The following SLC22A3 variants were observed in gnomAD, a reference collection of about 807,000 sequenced individuals.
SLC22A3 encodes solute carrier family 22 member 3, also known as EMT organic cation transporter 3.
In SLC22A3, 51 loss-of-function variants were observed where a neutral mutation model predicts 59.1. The ratio of observed to expected loss-of-function variants is 0.86; its 90% CI spans 0.69 to 1.09. The LOEUF (loss-of-function observed/expected upper bound fraction) is 1.09, where lower values mean the gene tolerates loss of function less well. Among genes scored for constraint, SLC22A3 ranks in the 50% least tolerant of loss-of-function variants. The pLI, the probability that SLC22A3 is intolerant of heterozygous loss-of-function variation, is 0.00. For synonymous variants in SLC22A3, 325 were observed against 292.0 expected (o/e 1.11, Z -1.15); for missense variants, 711 against 726.3 (o/e 0.98, Z 0.24).
chr6:160,450,223 G>A (rs933764004), intron 10 of SLC22A3, among the ~76,000 whole-genome samples: 1 of 152,174 alleles, frequency 6.6e-6, no homozygotes, highest in African/African-American at 2.4e-5. Context: ...CAGTGCGACT[G>A]TTTATAGACC....
intron 5 of SLC22A3, among the ~76,000 whole-genome samples, chr6:160,421,675 G>A (rs12527649): frequency 0.023 from 3,537 of 152,230 alleles, 59 homozygotes; most frequent in East Asian, 0.037. Context: ...ATTAATATTG[G>A]TTGTTCTCTT....
intron 7 of SLC22A3, among the ~76,000 whole-genome samples, chr6:160,440,570 T>C (rs1013242317): frequency 6.6e-6 from 1 of 152,248 alleles, no homozygotes; most frequent in Non-Finnish European, 1.5e-5. Context: ...GTACTCATTT[T>C]TAAATTGCCC....
At chr6:160,445,900 C>T (rs1335436741) in intron 9 of SLC22A3, among the ~76,000 whole-genome samples, 5 of 152,218 alleles carry the variant, frequency 3.3e-5, no homozygotes, top group Non-Finnish European at 5.9e-5. Flanking sequence ...GCAGGCTCAA[C>T]ACCGCTGAGC....
Position 160,390,115 on chromosome 6 carries a change from A to G in SLC22A3, c.430-7864A>G, listed in dbSNP as rs183403734. On this transcript the variant is annotated intron_variant, in intron 1 of 10. Transcript: ENST00000275300. ...ACTTTTTTAAACAGACTCCTCCAAA[A>G]TGGGGAGGCATGAATTTAAAATAGA... Among the ~76,000 whole-genome samples, 37 of 152,320 alleles carry G rather than the reference A, an allele frequency of 2.4e-4. No individual in the cohort carries two copies. The East Asian group carries it at 6.8e-3, about 28-fold the overall frequency.
At chr6:160,441,442 A>G (rs1788535652) in intron 7 of SLC22A3, among the ~76,000 whole-genome samples, 1 of 152,082 alleles carries the variant, frequency 6.6e-6, no homozygotes, top group Admixed American at 6.6e-5. Flanking sequence ...CGTGACAGCT[A>G]CAAGGGTTCT....
At chr6:160,421,099 A>C (rs1321454356) in intron 5 of SLC22A3, among the ~76,000 whole-genome samples, 3 of 152,126 alleles carry the variant, frequency 2.0e-5, no homozygotes, top group Non-Finnish European at 4.4e-5. Flanking sequence ...CTACACATCC[A>C]TGGCCTTAAA....
Position 160,443,728 on chromosome 6 carries a change from C to T in SLC22A3, c.1496C>T (p.Pro499Leu), listed in dbSNP as rs1239258880. The T allele has an allele frequency of 6.2e-7, 1 of 1,607,760 alleles. No individual in the cohort carries two copies. The highest frequency in any genetic ancestry group is 2.2e-5 in the East Asian group (1 of 44,814). ...FRLAAVWLEL[P>L]LIIFGILASI... Reference sequence around the variant, plus strand: ...CTAGCAGCCGTGTGGCTAGAACTACCTCTGATCATCTTTGGTAAGAACTCA... The same window carrying T: ...CTAGCAGCCGTGTGGCTAGAACTACTTCTGATCATCTTTGGTAAGAACTCA... Residue 499 changes from proline (P) to leucine (L), a missense_variant, in exon 9 of 11, where the codon CCT (proline) becomes CTT (leucine). By Grantham distance (98) the Pro-to-Leu change is moderately conservative. Coordinates refer to ENST00000275300, the MANE Select transcript of SLC22A3 (RefSeq NM_021977.4).
intron 5 of SLC22A3, among the ~76,000 whole-genome samples, chr6:160,416,876 A>T (rs1260347114): frequency 6.6e-6 from 1 of 152,180 alleles, no homozygotes; most frequent in East Asian, 1.9e-4. Flanking sequence ...CCAGGTACTG[A>T]ATTTGTGTGC....
chr6:160,446,117 T>C (rs1414936421), intron 9 of SLC22A3, among the ~76,000 whole-genome samples: 1 of 151,942 alleles, frequency 6.6e-6, no homozygotes, highest in African/African-American at 2.4e-5. Flanking sequence ...GGAAACCAAG[T>C]GAGAAGCCCG....
At chr6:160,405,839 A>C (rs535782183) in intron 2 of SLC22A3, among the ~76,000 whole-genome samples, 1 of 152,292 alleles carries the variant, frequency 6.6e-6, no homozygotes, top group African/African-American at 2.4e-5. Context: ...ACATACTATA[A>C]GATTTTAACT....
chr6:160,352,914 G>A (rs539995109), intron 1 of SLC22A3, among the ~76,000 whole-genome samples: 5 of 152,222 alleles, frequency 3.3e-5, no homozygotes, highest in East Asian at 1.9e-4. Flanking sequence ...CTTGCCCCCC[G>A]GGTTCAAGCA....
At chr6:160,408,058 G>A (rs1312936459) in intron 3 of SLC22A3, among the ~76,000 whole-genome samples, 1 of 152,120 alleles carries the variant, frequency 6.6e-6, no homozygotes, top group East Asian at 1.9e-4. Context: ...GGAAGGCAAG[G>A]CATTTTTAAG....
At chr6:160,381,843 A>G (rs1318911355) in intron 1 of SLC22A3, among the ~76,000 whole-genome samples, 1 of 152,234 alleles carries the variant, frequency 6.6e-6, no homozygotes, top group Admixed American at 6.5e-5. Context: ...CCAGCATCAC[A>G]TGTGGTGACA....
At chr6:160,402,109 A>G (rs1408124973) in intron 2 of SLC22A3, among the ~76,000 whole-genome samples, 1 of 151,990 alleles carries the variant, frequency 6.6e-6, no homozygotes, top group Non-Finnish European at 1.5e-5. Context: ...GGATCAACAA[A>G]CAAGACCCAA....
At chr6:160,370,921 A>C (rs969731511) in intron 1 of SLC22A3, among the ~76,000 whole-genome samples, 22 of 152,056 alleles carry the variant, frequency 1.4e-4, no homozygotes, top group African/African-American at 5.3e-4. Context: ...TCTTGTGTCC[A>C]AATACAATCA....
chr6:160,435,086 T>G (rs913755497), intron 5 of SLC22A3, among the ~76,000 whole-genome samples: 1 of 152,160 alleles, frequency 6.6e-6, no homozygotes, highest in African/African-American at 2.4e-5. Context: ...ACCACCTCAT[T>G]GCTGAGGTCT....
chr6:160,368,951 C>T (rs1039361371), intron 1 of SLC22A3, among the ~76,000 whole-genome samples: 1 of 152,184 alleles, frequency 6.6e-6, no homozygotes, highest in African/African-American at 2.4e-5. Context: ...ACTGGCCATG[C>T]TTCAGGCTTC....
intron 1 of SLC22A3, among the ~76,000 whole-genome samples, chr6:160,378,568 C>A (rs1183057736): frequency 6.6e-6 from 1 of 152,160 alleles, no homozygotes; most frequent in African/African-American, 2.4e-5. Context: ...CTTAGAATTT[C>A]TTTTCGTGGA....
chr6:160,447,421 G>C (rs1370423784), intron 9 of SLC22A3, among the ~76,000 whole-genome samples: 1 of 152,226 alleles, frequency 6.6e-6, no homozygotes, highest in African/African-American at 2.4e-5. Flanking sequence ...TGATGCAGGA[G>C]AGGAGGCCTT....
Sources: gnomAD v4.1 joint callset for allele counts (sites outside exome capture counted in the v4.1 genomes callset) on GRCh38, gnomAD v4.1.1 for gene constraint, MANE v1.5 for transcripts, NCBI Gene and HGNC (gene_info 2026-07-23, HGNC 2026-07-21) for gene names.